SAMD4A: variants seen among roughly 807,000 people sequenced by gnomAD.
SAMD4A encodes the protein sterile alpha motif domain containing 4A.
A neutral mutation model predicts 81.3 loss-of-function variants in SAMD4A; 33 were observed. The ratio of observed to expected loss-of-function variants is 0.41; its 90% confidence interval spans 0.31 to 0.54. SAMD4A has a LOEUF of 0.54. Among genes scored for constraint, SAMD4A ranks in the 20% least tolerant of loss-of-function variants. The pLI is 0.37. For synonymous variants in SAMD4A, 389 were observed against 382.1 expected (o/e 1.02, Z -0.21); for missense variants, 854 against 951.1 (o/e 0.90, Z 1.34).
intron 2 of SAMD4A, among the ~76,000 whole-genome samples, chr14:54,699,932 A>G (rs1200601389): frequency 6.6e-6 from 1 of 152,028 alleles, no homozygotes; most frequent in Non-Finnish European, 1.5e-5. Flanking sequence ...CAAGTAGTTG[A>G]CTCTTTGGCA....
At chr14:54,611,448 C>T (rs895732786) in intron 2 of SAMD4A, among the ~76,000 whole-genome samples, 3 of 152,176 alleles carry the variant, frequency 2.0e-5, no homozygotes, top group Admixed American at 6.5e-5. Context: ...AAATCGTAGC[C>T]TAGAGAAGGC....
chr14:54,699,121 A>T (rs2036647984), intron 2 of SAMD4A, among the ~76,000 whole-genome samples: 1 of 152,006 alleles, frequency 6.6e-6, no homozygotes, highest in African/African-American at 2.4e-5. Flanking sequence ...TTACAGCATA[A>T]CCCCTTTTGC....
At chr14:54,654,473 C>G (rs2035476430) in intron 2 of SAMD4A, among the ~76,000 whole-genome samples, 1 of 152,142 alleles carries the variant, frequency 6.6e-6, no homozygotes, top group Non-Finnish European at 1.5e-5. Context: ...TGACCCCACA[C>G]TAGGATTTTG....
chr14:54,776,544 G>C lies in SAMD4A; in HGVS notation c.2044+4G>C, dbSNP rs371453318. ...ATGCTGATGTTCCAGCAGCCAGGTA[G>C]GGCCCGGCGCTTCATGTCCCCTTGA... On this transcript the variant is annotated splice_donor_region_variant and intron_variant, in intron 11 of 12. Transcript: ENST00000554335. 1 of 1,559,662 alleles carries C rather than the reference G, an allele frequency of 6.4e-7. No individual in the cohort carries two copies. Among genetic ancestry groups the C allele is most frequent in the African/African-American group, 1.4e-5 (1 of 71,886 alleles).
At chr14:54,771,829 G>T (rs1566631346) in intron 9 of SAMD4A, among the ~76,000 whole-genome samples, 1 of 152,170 alleles carries the variant, frequency 6.6e-6, no homozygotes, top group African/African-American at 2.4e-5. Flanking sequence ...TCCCACCCTG[G>T]CCTCTGTCAG....
At chr14:54,652,577 A>G (rs183028710) in intron 2 of SAMD4A, 1 of 152,234 alleles carries the variant, frequency 6.6e-6, no homozygotes, top group Admixed American at 6.5e-5. Context: ...AATCACGTCC[A>G]TTATCTTATT....
In SAMD4A at chr14:54,702,571, A is replaced by C. The variant is rs140554592; in HGVS notation, c.706A>C (p.Thr236Pro). 3.2e-4 allele frequency: 518 copies of C among 1,613,594 alleles called. No individual in the cohort carries two copies. Among genetic ancestry groups the C allele is most frequent in the Non-Finnish European group, 4.2e-4 (497 of 1,179,718 alleles). The change falls in exon 3 of 13, where the codon ACA (threonine) becomes CCA (proline). Residue 236 changes from threonine (T) to proline (P), a missense_variant. Physicochemically the swap from Thr to Pro is conservative, Grantham distance 38 (BLOSUM62 -1). Around this residue, in one of 3 missense-constraint regions of SAMD4A, gnomAD observed 387 missense variants for 405.8 expected, o/e 0.95. Transcript: ENST00000554335. ...CACAATCAATACGATTGGAACCAGCACAAGTACAAGTAAGTTCCCCGGAAT... is the reference window on the plus strand; with the variant it reads ...CACAATCAATACGATTGGAACCAGCCCAAGTACAAGTAAGTTCCCCGGAAT... Reference protein sequence around the residue: ...PTTINTIGTSTSTILSGQAHH... With the variant: ...PTTINTIGTSPSTILSGQAHH...
rs531237139 is a variant in SAMD4A at position 54,665,686 on chromosome 14, C to T, written c.197-36376C>T. Among the ~76,000 whole-genome samples, 3 of 152,304 alleles carry T rather than the reference C, an allele frequency of 2.0e-5. No individual in the cohort carries two copies. The South Asian group carries it at 6.2e-4, about 32-fold the overall frequency. ...CTCCAGGTAGAATTGGTTGGATTTC[C>T]TCAATCCTCATTAATTCCTGATTGA... On this transcript the variant is annotated intron_variant, in intron 2 of 12. Transcript: ENST00000554335.
intron 2 of SAMD4A, among the ~76,000 whole-genome samples, chr14:54,677,419 G>C (rs999100289): frequency 1.3e-5 from 2 of 152,164 alleles, no homozygotes; most frequent in African/African-American, 4.8e-5. Context: ...TTCTAATGTG[G>C]TTTATTCCTG....
intron 7 of SAMD4A, 38 bp from the exon 8 acceptor site, chr14:54,764,417 G>T: frequency 7.4e-7 from 1 of 1,359,102 alleles, no homozygotes; most frequent in Non-Finnish European, 1.0e-6. Context: ...TTAGAAAGGG[G>T]TGCATTTTTC....
At chr14:54,778,409 A>G (rs912783366) in intron 11 of SAMD4A, among the ~76,000 whole-genome samples, 52 of 152,348 alleles carry the variant, frequency 3.4e-4, no homozygotes, top group African/African-American at 1.3e-3. Context: ...TATGAACCTA[A>G]TATCATTTTC....
chr14:54,700,331 C>T (rs111272567), intron 2 of SAMD4A, among the ~76,000 whole-genome samples: 6,497 of 152,270 alleles, frequency 0.043, 202 homozygotes, highest in Non-Finnish European at 0.066. Flanking sequence ...AATTAAATGG[C>T]ATGTCTGGGA....
intron 2 of SAMD4A, among the ~76,000 whole-genome samples, chr14:54,634,703 C>CTCTATCTA (rs749136366): frequency 1.4e-5 from 2 of 147,466 alleles, no homozygotes; most frequent in African/African-American, 2.5e-5. Flanking sequence ...GTTGGGGACC[C>CTCTATCTA]TCTATCTATC....
At position 54,702,289 on chromosome 14, in the gene SAMD4A, G is replaced by A; in HGVS notation, c.424G>A (p.Ala142Thr). The A allele has an allele frequency of 2.5e-6, 4 of 1,614,220 alleles. No individual in the cohort carries two copies. The highest frequency in any genetic ancestry group is 1.7e-5 in the Admixed American group (1 of 60,028). Residue 142 changes from alanine to threonine, a missense_variant, in exon 3 of 13, where the codon GCT becomes ACT. Ala to Thr is a moderately conservative substitution (Grantham distance 58). Coordinates refer to ENST00000554335, the MANE Select transcript of SAMD4A (RefSeq NM_015589.6). ...AGCCACTTCGTTAGAAGACCGTAGT[G>A]CTTTAGCCATGTGGCTGAATCACTT... is the stretch of plus-strand genomic sequence containing the variant. ...HPATSLEDRS[A>T]LAMWLNHLED...
intron 2 of SAMD4A, among the ~76,000 whole-genome samples, chr14:54,624,100 C>T (rs1349441275): frequency 6.6e-6 from 1 of 152,132 alleles, no homozygotes; most frequent in Non-Finnish European, 1.5e-5. Flanking sequence ...CTCAGCCTCC[C>T]GAGTAGCTGG....
intron 2 of SAMD4A, among the ~76,000 whole-genome samples, chr14:54,637,112 C>T (rs1391389137): frequency 1.3e-5 from 2 of 151,936 alleles, no homozygotes; most frequent in Admixed American, 6.6e-5. Flanking sequence ...CGCCTGTAAT[C>T]CCAGCACTTT....
chr14:54,567,938 G>T lies in SAMD4A; in HGVS notation c.22G>T (p.Gly8Trp), dbSNP rs371225832. 1.2e-5 allele frequency: 19 copies of T among 1,609,426 alleles called. No homozygotes were observed. The highest frequency in any genetic ancestry group is 1.4e-5 in the Non-Finnish European group (16 of 1,179,230). ...AACCATGATGTTTCGCGACCAGGTC[G>T]GGGTGCTGGCGGGCTGGTTTAAGGG... Reference protein sequence around the residue: MMFRDQVGVLAGWFKGWN... With the variant: MMFRDQVWVLAGWFKGWN... The change falls in exon 2 of 13, where the codon GGG becomes TGG. Residue 8 changes from glycine to tryptophan, a missense_variant. This residue lies in a region of SAMD4A where 387 missense variants were observed against 405.8 expected (regional missense o/e 0.95). Transcript: ENST00000554335.
At chr14:54,636,919 T>C (rs1344540533) in intron 2 of SAMD4A, among the ~76,000 whole-genome samples, 1 of 152,106 alleles carries the variant, frequency 6.6e-6, no homozygotes, top group African/African-American at 2.4e-5. Context: ...AAGTCTGGAA[T>C]TTAAAAGAGA....
intron 4 of SAMD4A, among the ~76,000 whole-genome samples, chr14:54,741,872 C>T (rs1293018292): frequency 6.6e-6 from 1 of 152,094 alleles, no homozygotes; most frequent in Non-Finnish European, 1.5e-5. Context: ...GATCCCATGG[C>T]TTGAGTGTTA....
Sources: allele counts gnomAD v4.1 joint callset (sites outside exome capture counted in the v4.1 genomes callset), GRCh38; gene constraint gnomAD v4.1.1; regional missense constraint gnomAD v4.1.1; transcripts MANE v1.5; gene names NCBI Gene and HGNC (gene_info 2026-07-23, HGNC 2026-07-21).